Variants in WFDC11 observed in about 807,000 individuals in gnomAD.
WFDC11 encodes the protein WAP four-disulfide core domain 11, also known as protein WFDC11.
Under a neutral mutation model 9.9 loss-of-function variants are expected in WFDC11, and 9 were observed. The observed-to-expected ratio is 0.91, with a 90% confidence interval of 0.55 to 1.58. The LOEUF (loss-of-function observed/expected upper bound fraction) is 1.58, where lower values mean the gene tolerates loss of function less well. WFDC11 is among the 40% of genes most tolerant of loss of function. WFDC11 has a pLI of 0.00. For synonymous variants in WFDC11, 32 were observed against 33.3 expected (o/e 0.96, Z 0.13); for missense variants, 106 against 101.7 (o/e 1.04, Z -0.18).
At chr20:45,661,141 T>G (rs894747400) in intron 2 of WFDC11, among the ~76,000 whole-genome samples, 2 of 152,208 alleles carry the variant, frequency 1.3e-5, no homozygotes, top group Non-Finnish European at 1.5e-5. Context: ...CCATTGTGGT[T>G]TTGATTTGCA....
intron 2 of WFDC11, among the ~76,000 whole-genome samples, chr20:45,665,687 G>T (rs1409696464): frequency 6.6e-6 from 1 of 152,184 alleles, no homozygotes; most frequent in African/African-American, 2.4e-5. Context: ...TCAGCTGCAG[G>T]TCTGTTGGAG....
At chr20:45,659,192 T>G (rs1358850581) in intron 2 of WFDC11, among the ~76,000 whole-genome samples, 1 of 152,268 alleles carries the variant, frequency 6.6e-6, no homozygotes, top group Non-Finnish European at 1.5e-5. Flanking sequence ...TGTGTCTTTA[T>G]AGCAGCATGA....
At chr20:45,660,785 A>G (rs562873072) in intron 2 of WFDC11, among the ~76,000 whole-genome samples, 1 of 152,256 alleles carries the variant, frequency 6.6e-6, no homozygotes, top group African/African-American at 2.4e-5. Context: ...CATGGTGTAT[A>G]TGTGCCACAT....
intron 2 of WFDC11, among the ~76,000 whole-genome samples, chr20:45,665,493 G>A (rs1398454386): frequency 6.6e-6 from 1 of 152,202 alleles, no homozygotes; most frequent in Non-Finnish European, 1.5e-5. Flanking sequence ...GAGGAGAAGA[G>A]GCACTCTGGT....
chr20:45,660,414 T>A (rs996497061), intron 2 of WFDC11, among the ~76,000 whole-genome samples: 1 of 152,114 alleles, frequency 6.6e-6, no homozygotes, highest in Non-Finnish European at 1.5e-5. Context: ...TTTTTGAAAT[T>A]TTATTTTATT....
intron 3 of WFDC11, among the ~76,000 whole-genome samples, 174 bp downstream of exon 3, chr20:45,650,327 G>A (rs1166422426): frequency 6.6e-6 from 1 of 152,038 alleles, no homozygotes; most frequent in Non-Finnish European, 1.5e-5. Flanking sequence ...AGCATTGAAG[G>A]ACCTCAGCTT....
At chr20:45,651,554 C>G (rs952177663) in intron 2 of WFDC11, among the ~76,000 whole-genome samples, 3 of 152,188 alleles carry the variant, frequency 2.0e-5, no homozygotes, top group African/African-American at 7.2e-5. Context: ...TTCTGCATTT[C>G]CAGCTGAGGT....
At chr20:45,650,923 C>T (rs1020580513) in intron 2 of WFDC11, among the ~76,000 whole-genome samples, 3 of 152,146 alleles carry the variant, frequency 2.0e-5, no homozygotes, top group South Asian at 2.1e-4. Flanking sequence ...TTTTTTAAAT[C>T]GTTTATTTTA....
chr20:45,664,782 A>G (rs1983152530), intron 2 of WFDC11, among the ~76,000 whole-genome samples: 1 of 152,100 alleles, frequency 6.6e-6, no homozygotes, highest in Admixed American at 6.5e-5. Flanking sequence ...CTGCCTAGAG[A>G]TCTGCTGTTA....
chr20:45,664,143 T>C (rs1204092263), intron 2 of WFDC11, among the ~76,000 whole-genome samples: 2 of 152,234 alleles, frequency 1.3e-5, no homozygotes, highest in Non-Finnish European at 1.5e-5. Context: ...GATAGTTAGC[T>C]CTTCTTGTTG....
At chr20:45,649,680 A>G (rs907708749) in intron 3 of WFDC11, among the ~76,000 whole-genome samples, 4 of 152,156 alleles carry the variant, frequency 2.6e-5, no homozygotes, top group Admixed American at 6.5e-5. Flanking sequence ...GAGCATCCCA[A>G]CGATAAAACT....
intron 2 of WFDC11, among the ~76,000 whole-genome samples, chr20:45,666,146 C>A (rs1174221488): frequency 6.6e-6 from 1 of 152,220 alleles, no homozygotes. Flanking sequence ...CCCCTCCCCC[C>A]GCCAGGCTGC....
At chr20:45,660,690 G>A (rs540374720) in intron 2 of WFDC11, among the ~76,000 whole-genome samples, 1 of 152,172 alleles carries the variant, frequency 6.6e-6, no homozygotes, top group South Asian at 2.1e-4. Flanking sequence ...TCTTGTGATG[G>A]TTTACTGAGA....
intron 2 of WFDC11, among the ~76,000 whole-genome samples, chr20:45,656,245 C>T (rs937962759): frequency 8.6e-5 from 13 of 151,550 alleles, no homozygotes; most frequent in Non-Finnish European, 1.6e-4. Flanking sequence ...GAGATATAGA[C>T]GAATGGAACA....
intron 2 of WFDC11, among the ~76,000 whole-genome samples, chr20:45,652,347 C>A (rs1474487110): frequency 6.6e-6 from 1 of 152,208 alleles, no homozygotes; most frequent in Admixed American, 6.5e-5. Context: ...CTCGAGCAAA[C>A]TCCAATAGAC....
At chr20:45,661,071 A>G (rs1983051286) in intron 2 of WFDC11, among the ~76,000 whole-genome samples, 1 of 152,178 alleles carries the variant, frequency 6.6e-6, no homozygotes, top group East Asian at 1.9e-4. Flanking sequence ...CATCCTCTCC[A>G]GCACCTATTG....
chr20:45,669,637 A>G (rs760258786), intron 1 of WFDC11, among the ~76,000 whole-genome samples: 56 of 152,216 alleles, frequency 3.7e-4, no homozygotes, highest in Non-Finnish European at 6.6e-4. Context: ...AAGAACAAAG[A>G]TACAACATAC....
chr20:45,652,676 C>A (rs1244046741), intron 2 of WFDC11, among the ~76,000 whole-genome samples: 2 of 151,938 alleles, frequency 1.3e-5, no homozygotes. Context: ...AATTTAAAAA[C>A]CTTGAAAAAA....
intron 2 of WFDC11, among the ~76,000 whole-genome samples, chr20:45,655,413 G>T (rs921965598): frequency 2.0e-5 from 3 of 152,140 alleles, no homozygotes; most frequent in African/African-American, 7.2e-5. Context: ...CAATAAATTA[G>T]GTATTGATGG....
Sources: allele counts gnomAD v4.1 joint callset (sites outside exome capture counted in the v4.1 genomes callset), GRCh38; gene constraint gnomAD v4.1.1; transcripts MANE v1.5; gene names NCBI Gene and HGNC (gene_info 2026-07-23, HGNC 2026-07-21).